HHAT: variants seen among roughly 807,000 people sequenced by gnomAD.
HHAT encodes the protein hedgehog acyltransferase.
A neutral mutation model predicts 70.8 loss-of-function variants in HHAT; 47 were observed. The observed-to-expected ratio is 0.66, with a 90% CI of 0.53 to 0.85. HHAT has a LOEUF of 0.85. Among genes scored for constraint, HHAT ranks in the 40% least tolerant of loss-of-function variants. The pLI is 0.00. For synonymous variants in HHAT, 228 were observed against 247.6 expected, an observed-to-expected ratio of 0.92 and a Z score of 0.74; for missense variants, 609 against 604.8, an observed-to-expected ratio of 1.01 and a Z score of -0.07.
At chr1:210,528,002 A>G (rs1299369222) in intron 9 of HHAT, among the ~76,000 whole-genome samples, 1 of 152,232 alleles carries the variant, frequency 6.6e-6, no homozygotes, top group Non-Finnish European at 1.5e-5. Flanking sequence ...TTTAGCATCT[A>G]CCATGGGCAA....
chr1:210,365,266 T>A (rs1267261624), intron 3 of HHAT, among the ~76,000 whole-genome samples: 1 of 151,776 alleles, frequency 6.6e-6, no homozygotes, highest in Non-Finnish European at 1.5e-5. Context: ...ATCCCTTGAA[T>A]GTTAGTCTGC....
chr1:210,667,996 C>A (rs1294192491), intron 11 of HHAT, among the ~76,000 whole-genome samples: 1 of 152,158 alleles, frequency 6.6e-6, no homozygotes, highest in African/African-American at 2.4e-5. Context: ...GAGCCCCTGG[C>A]AGCCATCATT....
chr1:210,340,616 G>A (rs565481817), intron 1 of HHAT, among the ~76,000 whole-genome samples: 50 of 152,218 alleles, frequency 3.3e-4, no homozygotes, highest in African/African-American at 1.0e-3. Flanking sequence ...AGGTAAATCG[G>A]TTAGGTTTAG....
intron 10 of HHAT, among the ~76,000 whole-genome samples, chr1:210,601,817 A>G (rs138698176): frequency 6.6e-6 from 1 of 152,264 alleles, no homozygotes; most frequent in Non-Finnish European, 1.5e-5. Flanking sequence ...CTTTATAAAC[A>G]TAATAAAATA....
intron 8 of HHAT, among the ~76,000 whole-genome samples, chr1:210,472,453 T>G (rs2094221740): frequency 6.6e-6 from 1 of 152,112 alleles, no homozygotes; most frequent in Non-Finnish European, 1.5e-5. Context: ...GTCTCTCTAG[T>G]GAAATGGAAC....
At chr1:210,400,399 A>C in intron 4 of HHAT, 69 bp from the exon 5 acceptor site, 1 of 1,382,554 alleles carries the variant, frequency 7.2e-7, no homozygotes, top group Non-Finnish European at 9.8e-7. Context: ...CCATGAGCTC[A>C]CTTCTGTTTA....
At chr1:210,620,767 A>T (rs1668659201) in intron 10 of HHAT, among the ~76,000 whole-genome samples, 1 of 151,974 alleles carries the variant, frequency 6.6e-6, no homozygotes, top group Non-Finnish European at 1.5e-5. Flanking sequence ...ATTTTTTTTT[A>T]ATTTCTAAAT....
At chr1:210,640,857 A>G (rs1344599261) in intron 11 of HHAT, among the ~76,000 whole-genome samples, 1 of 152,222 alleles carries the variant, frequency 6.6e-6, no homozygotes, top group Non-Finnish European at 1.5e-5. Flanking sequence ...ATTTATTTGC[A>G]TTATAGTCCT....
At chr1:210,340,557 A>G (rs2085951431) in intron 1 of HHAT, among the ~76,000 whole-genome samples, 1 of 151,998 alleles carries the variant, frequency 6.6e-6, no homozygotes, top group Non-Finnish European at 1.5e-5. Flanking sequence ...AGCTATTTCA[A>G]TTTTACTCTT....
intron 10 of HHAT, among the ~76,000 whole-genome samples, chr1:210,595,688 G>C (rs1288253844): frequency 6.6e-6 from 1 of 152,174 alleles, no homozygotes; most frequent in African/African-American, 2.4e-5. Flanking sequence ...TCTCATTGTG[G>C]TTTTGATTTG....
chr1:210,614,018 C>CAAAAAAA (rs55874321), intron 10 of HHAT, among the ~76,000 whole-genome samples: 2 of 111,566 alleles, frequency 1.8e-5, no homozygotes, highest in African/African-American at 7.1e-5. Context: ...GACCCTGCCT[C>CAAAAAAA]AAAAAAAAAA....
chr1:210,521,270 C>T (rs11119523), intron 9 of HHAT, among the ~76,000 whole-genome samples: 97,446 of 151,994 alleles, frequency 0.64, 33,146 homozygotes, highest in Non-Finnish European at 0.77. Flanking sequence ...CTTTTATTCT[C>T]CTGGAGGTTG....
chr1:210,622,961 C>T (rs532720670), intron 10 of HHAT, among the ~76,000 whole-genome samples: 30 of 152,326 alleles, frequency 2.0e-4, no homozygotes, highest in African/African-American at 7.0e-4. Flanking sequence ...GGCTTCAGTG[C>T]TTGTATTCCA....
chr1:210,412,251 TTAA>T (rs566450277), intron 6 of HHAT, among the ~76,000 whole-genome samples: 38 of 152,292 alleles, frequency 2.5e-4, no homozygotes, highest in Admixed American at 8.5e-4. Context: ...AAACATTCAA[TTAA>T]TAATATTTTG....
chr1:210,666,234 T>A (rs1678869000), intron 11 of HHAT, among the ~76,000 whole-genome samples: 1 of 152,232 alleles, frequency 6.6e-6, no homozygotes, highest in Non-Finnish European at 1.5e-5. Context: ...GCAACTCAAT[T>A]AACTCATCTC....
chr1:210,391,909 G>A (rs953191043), intron 4 of HHAT, among the ~76,000 whole-genome samples: 2 of 151,924 alleles, frequency 1.3e-5, no homozygotes, highest in East Asian at 1.9e-4. Flanking sequence ...TCATTGTGTT[G>A]CCCAGGCTGG....
At chr1:210,671,854 G>C (rs564402235) in intron 11 of HHAT, among the ~76,000 whole-genome samples, 37 of 152,348 alleles carry the variant, frequency 2.4e-4, no homozygotes, top group Non-Finnish European at 4.7e-4. Flanking sequence ...CTGGAGCCAG[G>C]CTGCCAGGGG....
At chr1:210,479,728 A>G (rs1192368352) in intron 8 of HHAT, among the ~76,000 whole-genome samples, 1 of 152,206 alleles carries the variant, frequency 6.6e-6, no homozygotes, top group Non-Finnish European at 1.5e-5. Flanking sequence ...ATGAAATTAC[A>G]CTAATTCCCT....
chr1:210,386,530 G>A (rs146117166), intron 3 of HHAT, among the ~76,000 whole-genome samples: 250 of 152,164 alleles, frequency 1.6e-3, no homozygotes, highest in Admixed American at 4.9e-3. Flanking sequence ...GAGCCACCGC[G>A]CCCGGCCTGC....
Sources: allele counts gnomAD v4.1 joint callset (sites outside exome capture counted in the v4.1 genomes callset), GRCh38; gene constraint gnomAD v4.1.1; transcripts MANE v1.5; gene names NCBI Gene and HGNC (gene_info 2026-07-23, HGNC 2026-07-21).